SH3BGRL2: variants seen among roughly 807,000 people sequenced by gnomAD.
The protein encoded by SH3BGRL2 is SH3 domain-binding glutamic acid-rich-like protein 2.
SH3BGRL2 carries 21 observed loss-of-function variants against 14.8 expected under a neutral mutation model. The ratio of observed to expected loss-of-function variants is 1.42; its 90% CI spans 1.01 to 2.05. The LOEUF (loss-of-function observed/expected upper bound fraction) is 2.05. SH3BGRL2 is among the 30% of genes most tolerant of loss of function. The pLI is 0.00. For missense variants in SH3BGRL2, 147 were observed against 130.8 expected, an observed-to-expected ratio of 1.12 and a Z score of -0.61; for synonymous variants, 50 against 47.8, an observed-to-expected ratio of 1.05 and a Z score of -0.19.
the SH3BGRL2 span, among the ~76,000 whole-genome samples, chr6:79,549,408 G>A: frequency 6.6e-6 from 1 of 152,218 alleles, no homozygotes; most frequent in South Asian, 2.1e-4. Context: ...TTTGGTCAAT[G>A]GACCACATAC....
Position 79,639,704 on chromosome 6 carries a change from A to T in SH3BGRL2, c.45+8198A>T, listed in dbSNP as rs538209352. 2.3e-3 allele frequency among the ~76,000 whole-genome samples: 349 copies of T among 152,280 alleles called. 1 individual carries two copies. The highest frequency in any genetic ancestry group is 8.1e-3 in the African/African-American group (336 of 41,568). On this transcript the variant is annotated intron_variant, in intron 1 of 3. Transcript: ENST00000369838. ...TTTCACCTGCTAAATGTCAGTTTTT[A>T]AAAAAATCACCCTCCAAGCTCTAAA...
chr6:79,567,745 C>G, the SH3BGRL2 span, among the ~76,000 whole-genome samples: 1 of 152,100 alleles, frequency 6.6e-6, no homozygotes, highest in Non-Finnish European at 1.5e-5. Flanking sequence ...GAGATAAATA[C>G]AACTATCAAA....
At chr6:79,672,355 C>T (rs1178286017) in intron 1 of SH3BGRL2, among the ~76,000 whole-genome samples, 5 of 152,156 alleles carry the variant, frequency 3.3e-5, no homozygotes, top group African/African-American at 4.8e-5. Context: ...TCTTACATGA[C>T]CTTCAAGAAT....
the SH3BGRL2 span, among the ~76,000 whole-genome samples, chr6:79,582,075 C>T: frequency 8.5e-5 from 13 of 152,102 alleles, no homozygotes; most frequent in Non-Finnish European, 1.3e-4. Flanking sequence ...ATCCAACTTA[C>T]GAGGGATGTG....
At chr6:79,565,306 A>G in the SH3BGRL2 span, among the ~76,000 whole-genome samples, 1 of 152,170 alleles carries the variant, frequency 6.6e-6, no homozygotes, top group East Asian at 1.9e-4. Flanking sequence ...TCCTGGCAGG[A>G]GAAATTTTAA....
chr6:79,696,986 GA>G (rs1770345424), intron 3 of SH3BGRL2, among the ~76,000 whole-genome samples: 2 of 151,648 alleles, frequency 1.3e-5, no homozygotes, highest in South Asian at 2.1e-4. Context: ...GGTCAACCTT[GA>G]AAAAAATCTT....
In SH3BGRL2 at chr6:79,631,425, C is replaced by CGGG; in HGVS notation, c.-33_-31dup. Reference sequence around the variant, plus strand: ...TCTGCGTCCACGCCAGCCCGGAGCCCGGGGGGCAAGGGGTCTGTCCCGGGC... The same window carrying CGGG: ...TCTGCGTCCACGCCAGCCCGGAGCCCGGGGGGGGGCAAGGGGTCTGTCCCGGGC... On this transcript the variant is annotated 5_prime_UTR_variant, in exon 1 of 4. Coordinates refer to ENST00000369838, the MANE Select transcript of SH3BGRL2 (RefSeq NM_031469.4). The CGGG allele has an allele frequency of 6.6e-7, 1 of 1,505,276 alleles. No individual in the cohort carries two copies. 93.2% of individuals were successfully genotyped at this position (1,505,276 alleles called of 1,614,324 possible).
At chr6:79,674,373 C>T (rs1388033886) in intron 2 of SH3BGRL2, among the ~76,000 whole-genome samples, 1 of 152,050 alleles carries the variant, frequency 6.6e-6, no homozygotes, top group Non-Finnish European at 1.5e-5. Context: ...TGCTTTCCTG[C>T]TGCATGTAGC....
rs1424485048 is a variant in SH3BGRL2, at chr6:79,676,607, G to GTA, written c.231+2809_231+2810insAT. Among the ~76,000 whole-genome samples the GTA allele has an allele frequency of 2.9e-3, 242 of 83,062 alleles. 1 individual carries two copies. Among genetic ancestry groups the GTA allele is most frequent in the East Asian group, 0.025 (91 of 3,620 alleles). 54.5% of individuals were successfully genotyped at this position (83,062 alleles called of 152,430 possible). A position where few individuals can be genotyped will look rare whatever the true frequency, so the allele number is the denominator to read the frequency against. On this transcript the variant is annotated intron_variant, in intron 2 of 3. Coordinates refer to ENST00000369838, the MANE Select transcript of SH3BGRL2 (RefSeq NM_031469.4). ...CTCCTAGCTTTATGTCTTTATGTAT[G>GTA]TGTGTGTGTGTGTGTGTGTGTGTGT...
chr6:79,686,080 T>C (rs1770084516), intron 2 of SH3BGRL2, among the ~76,000 whole-genome samples: 1 of 152,322 alleles, frequency 6.6e-6, no homozygotes, highest in African/African-American at 2.4e-5. Flanking sequence ...GAAGTATTGT[T>C]CCATTTTCCA....
chr6:79,636,469 GAAGAAGCAGGAGT>G (rs2127722599), intron 1 of SH3BGRL2, among the ~76,000 whole-genome samples: 1 of 152,312 alleles, frequency 6.6e-6, no homozygotes, highest in South Asian at 2.1e-4. Context: ...CAAGTGATCA[GAAGAAGCAGGAGT>G]AAGTTGGGGG....
chr6:79,607,479 G>A, the SH3BGRL2 span, among the ~76,000 whole-genome samples: 3 of 151,976 alleles, frequency 2.0e-5, no homozygotes, highest in Non-Finnish European at 4.4e-5. Flanking sequence ...GTCCTATTGC[G>A]TACTTACCCC....
chr6:79,551,339 G>A, the SH3BGRL2 span, among the ~76,000 whole-genome samples: 1 of 152,208 alleles, frequency 6.6e-6, no homozygotes, highest in African/African-American at 2.4e-5. Context: ...TGACTTTGCA[G>A]TGGGCTGTCT....
the SH3BGRL2 span, among the ~76,000 whole-genome samples, chr6:79,573,588 T>C: frequency 6.6e-6 from 1 of 152,170 alleles, no homozygotes; most frequent in African/African-American, 2.4e-5. Flanking sequence ...GAAGGAAAAT[T>C]GATATCTTTA....
rs1194357048 is a variant in SH3BGRL2, at chr6:79,701,265, A to G, written c.*1756A>G. The stretch of plus-strand genomic sequence containing the variant: ...GGGACTATCCAGGAATTTTTTTTTA[A>G]CTGGATATTGTGTTTGAGTATGTGA... On this transcript the variant is annotated 3_prime_UTR_variant, in exon 4 of 4. Coordinates refer to ENST00000369838, the MANE Select transcript of SH3BGRL2 (RefSeq NM_031469.4). 2 of 152,130 alleles carry G rather than the reference A, an allele frequency of 1.3e-5. No homozygotes were observed. The highest frequency in any genetic ancestry group is 2.9e-5 in the Non-Finnish European group (2 of 68,012). 9.4% of individuals were successfully genotyped at this position (152,130 alleles called of 1,614,324 possible).
intron 2 of SH3BGRL2, among the ~76,000 whole-genome samples, chr6:79,683,437 C>T (rs1222424629): frequency 6.6e-6 from 1 of 151,554 alleles, no homozygotes; most frequent in African/African-American, 2.4e-5. Flanking sequence ...TTTTGTTTTC[C>T]AACCTTTAGA....
intron 1 of SH3BGRL2, among the ~76,000 whole-genome samples, chr6:79,641,501 G>A (rs979028174): frequency 5.9e-5 from 9 of 152,116 alleles, no homozygotes; most frequent in Admixed American, 1.3e-4. Context: ...TGGTTAAGGC[G>A]GGGGCTGAGT....
chr6:79,697,249 T>G (rs956848800), intron 3 of SH3BGRL2, among the ~76,000 whole-genome samples: 1 of 152,164 alleles, frequency 6.6e-6, no homozygotes, highest in Non-Finnish European at 1.5e-5. Flanking sequence ...CTAGACTCCT[T>G]TTTTTGAATT....
the SH3BGRL2 span, among the ~76,000 whole-genome samples, chr6:79,575,951 T>C: frequency 1.1e-3 from 167 of 149,632 alleles, 1 homozygote; most frequent in Admixed American, 6.4e-3. Context: ...ATATTAAATG[T>C]TTATAAGTTT....
Sources: gnomAD v4.1 joint callset for allele counts (sites outside exome capture counted in the v4.1 genomes callset) on GRCh38, gnomAD v4.1.1 for gene constraint, MANE v1.5 for transcripts, NCBI Gene and HGNC (gene_info 2026-07-23, HGNC 2026-07-21) for gene names.